OVCH2: variants seen among roughly 807,000 people sequenced by gnomAD.
OVCH2 encodes ovochymase-2.
In OVCH2, 88 loss-of-function variants were observed where a neutral mutation model predicts 73.7. That is an observed-to-expected ratio of 1.19 (90% CI 1.01 to 1.43). OVCH2 has a LOEUF of 1.43. Ranked by LOEUF, OVCH2 falls within the 40% of genes most tolerant of loss-of-function variation. The pLI is 0.00. For missense variants in OVCH2, 706 were observed against 674.5 expected (o/e 1.05, Z -0.52); for synonymous variants, 265 against 234.5 (o/e 1.13, Z -1.19).
At chr11:7,687,312 A>AATC (rs1555012722), downstream of OVCH2, among the ~76,000 whole-genome samples, 2 of 101,838 alleles carry the variant, frequency 2.0e-5, no homozygotes, top group Non-Finnish European at 4.5e-5. Flanking sequence ...CTGTGGAAAT[A>AATC]ATAATAATAA....
downstream of OVCH2, among the ~76,000 whole-genome samples, chr11:7,688,846 C>T (rs941613469): frequency 1.3e-5 from 2 of 152,178 alleles, no homozygotes; most frequent in African/African-American, 4.8e-5. Flanking sequence ...CTCATTGGCA[C>T]TAGAACATAG....
intron 10 of OVCH2, 134 bp downstream of exon 10, chr11:7,696,331 C>A: frequency 7.6e-7 from 1 of 1,312,412 alleles, no homozygotes; most frequent in Admixed American, 2.3e-5. Flanking sequence ...CTTCCCACTC[C>A]CAATTCTGAG....
At chr11:7,683,807 C>A in the OVCH2 span, among the ~76,000 whole-genome samples, 1 of 152,102 alleles carries the variant, frequency 6.6e-6, no homozygotes, top group African/African-American at 2.4e-5. Context: ...TTCCTTGTGC[C>A]TGGAATTCTC....
chr11:7,688,645 AAAAT>A (rs1487777341), downstream of OVCH2, among the ~76,000 whole-genome samples: 1 of 151,056 alleles, frequency 6.6e-6, no homozygotes, highest in East Asian at 1.9e-4. Flanking sequence ...ATAAAAATAA[AAAAT>A]AAAGGATTTG....
At chr11:7,704,774 G>T in intron 1 of OVCH2, 100 bp from the exon 2 acceptor site, 2 of 733,752 alleles carry the variant, frequency 2.7e-6, no homozygotes, top group Non-Finnish European at 4.7e-6. Context: ...AGACTATGGT[G>T]TATGGTGCTC....
downstream of OVCH2, among the ~76,000 whole-genome samples, chr11:7,688,704 A>C (rs1856169978): frequency 6.6e-6 from 1 of 152,194 alleles, no homozygotes; most frequent in African/African-American, 2.4e-5. Flanking sequence ...CAAACTATAA[A>C]AGTTTCCCCA....
chr11:7,680,967 C>G, the OVCH2 span, among the ~76,000 whole-genome samples: 1 of 152,202 alleles, frequency 6.6e-6, no homozygotes, highest in East Asian at 1.9e-4. Flanking sequence ...TTGTGGGCCT[C>G]TTTTCCAATG....
chr11:7,685,021 C>T (rs780274383), downstream of OVCH2, among the ~76,000 whole-genome samples: 16 of 152,164 alleles, frequency 1.1e-4, no homozygotes, highest in African/African-American at 1.7e-4. Flanking sequence ...CTGCTTTAAA[C>T]ACTGGGACTC....
chr11:7,706,402 C>A lies in OVCH2; in HGVS notation c.-8G>T, dbSNP rs1227335223. ...GTTCCTGCTTATAAGCATTTTGAGACTCATAGTTTTTCCCTGAAATTTTAG... is the reference window on the plus strand; with the variant it reads ...GTTCCTGCTTATAAGCATTTTGAGAATCATAGTTTTTCCCTGAAATTTTAG... On this transcript the variant is annotated 5_prime_UTR_variant, in exon 1 of 16. Coordinates refer to ENST00000533663, the MANE Select transcript of OVCH2 (RefSeq NM_198185.7). The A allele has an allele frequency of 6.4e-7, 1 of 1,561,162 alleles. No homozygotes were observed. The highest frequency in any genetic ancestry group is 1.2e-5 in the South Asian group (1 of 83,592).
chr11:7,704,035 C>T lies in OVCH2; in HGVS notation c.199-246G>A, dbSNP rs1000763760. ...TGTAAGTATGTGTCAACAGAGGTAG[C>T]AGTTAGAAGTGGTGAGATGTATTTA... On this transcript the variant is annotated intron_variant, in intron 2 of 15. Coordinates refer to ENST00000533663, the MANE Select transcript of OVCH2 (RefSeq NM_198185.7). Among the ~76,000 whole-genome samples, 3 of 152,274 alleles carry T rather than the reference C, an allele frequency of 2.0e-5. No homozygotes were observed. In the East Asian group the frequency reaches 5.8e-4, roughly 29 times the overall value.
intron 13 of OVCH2, 123 bp downstream of exon 13, chr11:7,691,779 C>A: frequency 1.4e-6 from 1 of 716,734 alleles, no homozygotes; most frequent in South Asian, 1.9e-5. Flanking sequence ...ATGGTGAGAC[C>A]ACAGGGAGGG....
chr11:7,704,414 C>A, intron 2 of OVCH2, 151 bp downstream of exon 2: 1 of 574,378 alleles, frequency 1.7e-6, no homozygotes, highest in Admixed American at 3.4e-5. Context: ...AATACTTTTT[C>A]TTATGACATT....
chr11:7,699,296 C>G (rs531642646), intron 7 of OVCH2: 1 of 155,630 alleles, frequency 6.4e-6, no homozygotes, highest in East Asian at 1.9e-4. Context: ...GCAATGAGCT[C>G]TCTAGTCAGT....
At position 7,690,017 on chromosome 11, in the gene OVCH2, G is replaced by A; in HGVS notation, c.1640-4C>T. On this transcript the variant is annotated splice_region_variant and splice_polypyrimidine_tract_variant and intron_variant, in intron 14 of 15. Coordinates refer to ENST00000533663, the MANE Select transcript of OVCH2 (RefSeq NM_198185.7). The stretch of plus-strand genomic sequence containing the variant: ...GAGATGTTTAAATCTGGGTATACTG[G>A]GTATAAGTATGATACAATTACTCAG... 6.7e-7 allele frequency: 1 copy of A among 1,497,956 alleles called. No homozygotes were observed. The highest frequency in any genetic ancestry group is 9.0e-7 in the Non-Finnish European group (1 of 1,112,692). The allele number at this position is 1,497,956 out of a possible 1,614,324, so 92.8% of individuals were successfully genotyped here. A position where few individuals can be genotyped will look rare whatever the true frequency, so the allele number is the denominator to read the frequency against.
chr11:7,689,990 T>TCAGA lies in OVCH2; in HGVS notation c.1662_1663insTCTG (p.Ile555SerfsTer6). The TCAGA allele has an allele frequency of 6.6e-7, 1 of 1,525,086 alleles. No individual in the cohort carries two copies. Among genetic ancestry groups the TCAGA allele is most frequent in the Non-Finnish European group, 8.8e-7 (1 of 1,136,982 alleles). 94.5% of individuals were successfully genotyped at this position (1,525,086 alleles called of 1,614,324 possible). A position where few individuals can be genotyped will look rare whatever the true frequency, so the allele number is the denominator to read the frequency against. ...AGAAACATTGATTCATCCTCTGATA[T>TCAGA]GGAGATGTTTAAATCTGGGTATACT... On this transcript the variant is annotated frameshift_variant, in exon 15 of 16. Coordinates refer to ENST00000533663, the MANE Select transcript of OVCH2 (RefSeq NM_198185.7). LOFTEE classifies it high-confidence loss of function.
At chr11:7,690,310 G>A (rs1167180354) in intron 14 of OVCH2, among the ~76,000 whole-genome samples, 1 of 152,190 alleles carries the variant, frequency 6.6e-6, no homozygotes, top group African/African-American at 2.4e-5. Flanking sequence ...TAGGTAGTTC[G>A]AATGTCCAGG....
rs938517157 is a variant in OVCH2 at position 7,689,876 on chromosome 11, C to T, written c.*31+48G>A. 48 of 1,161,018 alleles carry T rather than the reference C, an allele frequency of 4.1e-5. No individual in the cohort carries two copies. The Admixed American group carries it at 4.2e-4, about 10-fold the overall frequency. The allele number at this position is 1,161,018 out of a possible 1,614,324, so 71.9% of individuals were successfully genotyped here. A position where few individuals can be genotyped will look rare whatever the true frequency, so the allele number is the denominator to read the frequency against. On this transcript the variant is annotated intron_variant, in intron 15 of 15. Transcript: ENST00000533663. ...CATATCACCTGCTTCTCCGGTTGAA[C>T]CCTGGATTATACTCTGTGTGTATCA... is the stretch of plus-strand genomic sequence containing the variant.
At chr11:7,698,532 G>A (rs1347104028) in intron 8 of OVCH2, among the ~76,000 whole-genome samples, 1 of 152,190 alleles carries the variant, frequency 6.6e-6, no homozygotes, top group African/African-American at 2.4e-5. Context: ...TTTGGCAAAG[G>A]TTGGCTGAAT....
the OVCH2 span, among the ~76,000 whole-genome samples, chr11:7,682,286 G>A: frequency 2.6e-5 from 4 of 152,190 alleles, no homozygotes; most frequent in African/African-American, 9.7e-5. Flanking sequence ...CCTAAATCCA[G>A]CCTAGTGTTC....
Sources: allele counts gnomAD v4.1 joint callset (sites outside exome capture counted in the v4.1 genomes callset), GRCh38; gene constraint gnomAD v4.1.1; transcripts MANE v1.5; gene names NCBI Gene and HGNC (gene_info 2026-07-23, HGNC 2026-07-21).